LTBP1: variants seen among roughly 807,000 people sequenced by gnomAD.
LTBP1 encodes latent transforming growth factor beta binding protein 1.
In LTBP1, 129 loss-of-function variants were observed where a neutral mutation model predicts 207.6. The observed-to-expected ratio is 0.62, with a 90% CI of 0.54 to 0.72. LTBP1 has a LOEUF of 0.72. Among genes scored for constraint, LTBP1 ranks in the 30% least tolerant of loss-of-function variants. LTBP1 has a pLI of 0.00. For synonymous variants in LTBP1, 963 were observed against 833.7 expected, an observed-to-expected ratio of 1.16 and a Z score of -2.67; for missense variants, 2,281 against 2,217.2, an observed-to-expected ratio of 1.03 and a Z score of -0.58.
chr2:33,366,345 C>T (rs531589235), intron 31 of LTBP1, among the ~76,000 whole-genome samples: 5 of 152,112 alleles, frequency 3.3e-5, no homozygotes, highest in East Asian at 1.9e-4. Flanking sequence ...TCAGAATGGT[C>T]GAGAGGGGAA....
chr2:33,218,075 T>C (rs2090847777), intron 8 of LTBP1, among the ~76,000 whole-genome samples: 1 of 152,246 alleles, frequency 6.6e-6, no homozygotes, highest in Admixed American at 6.5e-5. Context: ...TTGTAGTTTT[T>C]GTTATATTAT....
intron 19 of LTBP1, among the ~76,000 whole-genome samples, chr2:33,291,977 A>G (rs2093783460): frequency 6.6e-6 from 1 of 152,196 alleles, no homozygotes; most frequent in South Asian, 2.1e-4. Context: ...GCTTAGGCTT[A>G]AGATGCTTTG....
intron 7 of LTBP1, among the ~76,000 whole-genome samples, chr2:33,192,761 C>T (rs1429357595): frequency 6.6e-6 from 1 of 152,120 alleles, no homozygotes; most frequent in African/African-American, 2.4e-5. Flanking sequence ...ACATTTATTT[C>T]TCACTGTTTT....
At chr2:33,295,556 A>ATAC (rs1462022910) in intron 20 of LTBP1, among the ~76,000 whole-genome samples, 1 of 152,086 alleles carries the variant, frequency 6.6e-6, no homozygotes, top group African/African-American at 2.4e-5. Context: ...AATAATAATA[A>ATAC]TAATAAATAT....
intron 22 of LTBP1, among the ~76,000 whole-genome samples, chr2:33,304,208 C>G (rs2094046564): frequency 6.6e-6 from 1 of 152,164 alleles, no homozygotes; most frequent in African/African-American, 2.4e-5. Context: ...ACTAGTTTCT[C>G]TAGTGTACTG....
Position 33,146,060 on chromosome 2 carries a change from A to G in LTBP1, c.1201+11100A>G, listed in dbSNP as rs539930418. Among the ~76,000 whole-genome samples the G allele has an allele frequency of 5.3e-5, 8 of 152,322 alleles. No individual in the cohort carries two copies. The South Asian group carries it at 1.2e-3, about 24-fold the overall frequency. ...TTTAGACTTCTGAAGGATCTCATTT[A>G]AGGAAATTAACTCTTAAAAGCACTA... On this transcript the variant is annotated intron_variant, in intron 5 of 33. Transcript: ENST00000404816.
chr2:33,371,001 G>A (rs980508685), intron 31 of LTBP1, among the ~76,000 whole-genome samples: 1 of 152,220 alleles, frequency 6.6e-6, no homozygotes, highest in African/African-American at 2.4e-5. Flanking sequence ...GTAGGTGCAG[G>A]AGGTAGGAGT....
intron 10 of LTBP1, among the ~76,000 whole-genome samples, chr2:33,247,435 G>A (rs2092547864): frequency 6.6e-6 from 1 of 152,348 alleles, no homozygotes; most frequent in East Asian, 1.9e-4. Flanking sequence ...TAGATCAGGA[G>A]TTGGCAAATT....
intron 24 of LTBP1, among the ~76,000 whole-genome samples, chr2:33,339,736 C>T (rs1436618527): frequency 2.0e-5 from 3 of 149,908 alleles, no homozygotes; most frequent in Non-Finnish European, 4.5e-5. Flanking sequence ...ACCTCTGTCT[C>T]CCAGGTTCAA....
intron 7 of LTBP1, among the ~76,000 whole-genome samples, chr2:33,208,479 G>C (rs1192492002): frequency 6.6e-6 from 1 of 152,230 alleles, no homozygotes; most frequent in Non-Finnish European, 1.5e-5. Context: ...GGGCTGGCAT[G>C]ACGTAGGGTG....
At chr2:33,267,399 AAAGTGATACCCC>A (rs1280148022) in intron 15 of LTBP1, among the ~76,000 whole-genome samples, 1 of 152,218 alleles carries the variant, frequency 6.6e-6, no homozygotes, top group Non-Finnish European at 1.5e-5. Context: ...TCTGGCTGGC[AAAGTGATACCCC>A]AAGGATCCTG....
chr2:33,140,881 C>T (rs887905193), intron 5 of LTBP1, among the ~76,000 whole-genome samples: 2 of 152,124 alleles, frequency 1.3e-5, no homozygotes, highest in Non-Finnish European at 1.5e-5. Context: ...GTTGGCCAGG[C>T]TGGTCTTGAA....
At chr2:32,973,439 T>C (rs1681223924) in intron 2 of LTBP1, among the ~76,000 whole-genome samples, 1 of 152,194 alleles carries the variant, frequency 6.6e-6, no homozygotes, top group Non-Finnish European at 1.5e-5. Context: ...TTTATATTTT[T>C]ATTTTTAATT....
chr2:33,364,845 G>A (rs371456267), intron 30 of LTBP1, among the ~76,000 whole-genome samples: 5 of 152,196 alleles, frequency 3.3e-5, no homozygotes, highest in African/African-American at 4.8e-5. Context: ...TCTGTCATTC[G>A]CCTCAGGAGA....
intron 3 of LTBP1, among the ~76,000 whole-genome samples, chr2:33,085,376 G>A (rs140263975): frequency 9.4e-4 from 143 of 152,250 alleles, no homozygotes; most frequent in Admixed American, 2.5e-3. Flanking sequence ...GAGAAATAAT[G>A]GACACCTTCT....
intron 13 of LTBP1, among the ~76,000 whole-genome samples, chr2:33,262,367 C>T (rs1181796909): frequency 6.6e-6 from 1 of 152,062 alleles, no homozygotes; most frequent in Non-Finnish European, 1.5e-5. Context: ...AGGCAATAGT[C>T]CTCGTTGGGG....
Position 32,980,014 on chromosome 2 carries a change from T to C in LTBP1, c.565+31069T>C, listed in dbSNP as rs533631023. ...ATTTCTCCTCTATTTTGGTTTCCATTGGTATGGAATATCTTTTTCCATCTC... is the reference window on the plus strand; with the variant it reads ...ATTTCTCCTCTATTTTGGTTTCCATCGGTATGGAATATCTTTTTCCATCTC... On this transcript the variant is annotated intron_variant, in intron 2 of 33. Transcript: ENST00000404816. 9.3e-4 allele frequency among the ~76,000 whole-genome samples: 141 copies of C among 152,290 alleles called. 1 individual carries two copies. Among genetic ancestry groups the C allele is most frequent in the Non-Finnish European group, 1.9e-3 (126 of 67,968 alleles).
chr2:33,192,005 C>G (rs775026058), intron 7 of LTBP1, among the ~76,000 whole-genome samples: 1 of 152,056 alleles, frequency 6.6e-6, no homozygotes, highest in Non-Finnish European at 1.5e-5. Flanking sequence ...GGTAGAATTT[C>G]AGAACTGTTT....
chr2:33,140,086 A>G (rs1290890570), intron 5 of LTBP1, among the ~76,000 whole-genome samples: 2 of 152,210 alleles, frequency 1.3e-5, no homozygotes, highest in African/African-American at 2.4e-5. Flanking sequence ...GGCATCCTGT[A>G]GCTGTTCTGG....
Sources: gnomAD v4.1 joint callset for allele counts (sites outside exome capture counted in the v4.1 genomes callset) on GRCh38, gnomAD v4.1.1 for gene constraint, MANE v1.5 for transcripts, NCBI Gene and HGNC (gene_info 2026-07-23, HGNC 2026-07-21) for gene names.